TDO2: variants seen among roughly 807,000 people sequenced by gnomAD.
TDO2 encodes the protein tryptamin 2,3-dioxygenase.
Under a neutral mutation model 61.2 loss-of-function variants are expected in TDO2, and 63 were observed. That is an observed-to-expected ratio of 1.03 (90% CI 0.84 to 1.27). The LOEUF (loss-of-function observed/expected upper bound fraction) is 1.27, where lower values mean the gene tolerates loss of function less well. TDO2 is among the 50% of genes most tolerant of loss of function. TDO2 has a pLI of 0.00. For synonymous variants in TDO2, 183 were observed against 164.0 expected, an observed-to-expected ratio of 1.12 and a Z score of -0.89; for missense variants, 494 against 469.5, an observed-to-expected ratio of 1.05 and a Z score of -0.48.
At position 155,910,082 on chromosome 4, in the gene TDO2, C is replaced by CA. The variant is rs767123432; in HGVS notation, c.491dup (p.Ile165AspfsTer12). On this transcript the variant is annotated frameshift_variant, in exon 6 of 12. Transcript: ENST00000536354. LOFTEE classifies it high-confidence loss of function. The stretch of plus-strand genomic sequence containing the variant: ...GTTTGCAATTCCGACTATTAGAAAA[C>CA]AAGATAGGTGTTCTTCAGAACATGA... 29 of 1,593,050 alleles carry CA rather than the reference C, an allele frequency of 1.8e-5. No individual in the cohort carries two copies. Among genetic ancestry groups the CA allele is most frequent in the Non-Finnish European group, 2.3e-5 (27 of 1,173,172 alleles).
At chr4:155,905,613 G>A (rs1440347536) in intron 3 of TDO2, 2 of 151,852 alleles carry the variant, frequency 1.3e-5, no homozygotes, top group East Asian at 1.9e-4. Flanking sequence ...TTTCTGGGCA[G>A]TGGGTTTTTT....
chr4:155,914,293 A>C (rs771493485), intron 7 of TDO2, 30 bp from the exon 8 acceptor site: 1 of 1,519,922 alleles, frequency 6.6e-7, no homozygotes, highest in South Asian at 1.2e-5. Context: ...ATTCTCTCTC[A>C]GGACTATTAA....
At chr4:155,908,548 C>G (rs563226184) in intron 4 of TDO2, among the ~76,000 whole-genome samples, 1 of 152,288 alleles carries the variant, frequency 6.6e-6, no homozygotes, top group East Asian at 1.9e-4. Context: ...TTGTTTAACC[C>G]TCACTCAGAA....
chr4:155,906,136 T>C (rs1219187095), intron 3 of TDO2: 7 of 152,124 alleles, frequency 4.6e-5, no homozygotes, highest in Non-Finnish European at 2.9e-5. Context: ...CATTTCCCCA[T>C]ACGTAAAATG....
At position 155,915,887 on chromosome 4, in the gene TDO2, G is replaced by A; in HGVS notation, c.871G>A (p.Gly291Arg). 1 of 1,610,382 alleles carries A rather than the reference G, an allele frequency of 6.2e-7. No homozygotes were observed. The highest frequency in any genetic ancestry group is 2.2e-5 in the East Asian group (1 of 44,612). The change falls in exon 9 of 12, where the codon GGA (glycine) becomes AGA (arginine). Residue 291 changes from glycine to arginine, a missense_variant. By Grantham distance (125) the Gly-to-Arg change is moderately radical. Coordinates refer to ENST00000536354, the MANE Select transcript of TDO2 (RefSeq NM_005651.4). ...ERRLSYRALQ[G>R]ALMIYFYREE... ...ACGGCTGTCATACAGAGCACTTCAGGGAGCATTGATGATATATTTTTACAG... is the reference window on the plus strand; with the variant it reads ...ACGGCTGTCATACAGAGCACTTCAGAGAGCATTGATGATATATTTTTACAG...
At chr4:155,913,666 ATAAT>A (rs1318128419) in intron 7 of TDO2, among the ~76,000 whole-genome samples, 1 of 152,150 alleles carries the variant, frequency 6.6e-6, no homozygotes, top group Non-Finnish European at 1.5e-5. Context: ...GAATAAATAA[ATAAT>A]TAATTTGAAA....
intron 7 of TDO2, among the ~76,000 whole-genome samples, chr4:155,911,919 C>T (rs926425184): frequency 1.4e-4 from 22 of 152,140 alleles, no homozygotes; most frequent in Admixed American, 5.9e-4. Context: ...AGTGGACTAA[C>T]GAACCAAATC....
chr4:155,911,943 A>G (rs1742843062), intron 7 of TDO2, among the ~76,000 whole-genome samples: 1 of 152,168 alleles, frequency 6.6e-6, no homozygotes, highest in Non-Finnish European at 1.5e-5. Flanking sequence ...TTAGCCCTGT[A>G]GCTTTGCTTT....
rs1221310305 is a variant in TDO2 at position 155,910,024 on chromosome 4, G to A, written c.432-1G>A. 2.6e-6 allele frequency: 4 copies of A among 1,527,100 alleles called. No homozygotes were observed. The African/African-American group carries it at 5.9e-5, about 23-fold the overall frequency. 94.6% of individuals were successfully genotyped at this position (1,527,100 alleles called of 1,614,324 possible). On this transcript the variant is annotated splice_acceptor_variant, in intron 5 of 11. Coordinates refer to ENST00000536354, the MANE Select transcript of TDO2 (RefSeq NM_005651.4). LOFTEE classifies it high-confidence loss of function. ...TTTCCTTCCACCATTTAATCTCAAA[G>A]AGAGTACTTATCTCCAGCATCAGGC... is the stretch of plus-strand genomic sequence containing the variant.
Position 155,919,833 on chromosome 4 carries a change from C to G in TDO2, c.1068-4C>G. On this transcript the variant is annotated splice_polypyrimidine_tract_variant and splice_region_variant and intron_variant, in intron 11 of 11. Transcript: ENST00000536354. Reference sequence around the variant, plus strand: ...GTAACACATCTTCATGTATGTTTTTCCAGTGATAGGTACAAGGTATTTGTA... The same window carrying G: ...GTAACACATCTTCATGTATGTTTTTGCAGTGATAGGTACAAGGTATTTGTA... 3 of 1,589,910 alleles carry G rather than the reference C, an allele frequency of 1.9e-6. No homozygotes were observed.
chr4:155,919,914 A>G lies in TDO2; in HGVS notation c.1145A>G (p.Asn382Ser). Residue 382 changes from asparagine to serine, a missense_variant, in exon 12 of 12, where the codon AAC (asparagine) becomes AGC (serine). Physicochemically the swap from Asn to Ser is conservative, Grantham distance 46 (BLOSUM62 1). Transcript: ENST00000536354. The part of the protein sequence containing the change: ...LIPRHWIPKM[N>S]PTIHKFLYTA... ...CCCCGACACTGGATACCGAAGATGAACCCAACCATTCACAAATTTCTATAT... is the reference window on the plus strand; with the variant it reads ...CCCCGACACTGGATACCGAAGATGAGCCCAACCATTCACAAATTTCTATAT... 6.2e-7 allele frequency: 1 copy of G among 1,613,698 alleles called. No individual in the cohort carries two copies. Among genetic ancestry groups the G allele is most frequent in the African/African-American group, 1.3e-5 (1 of 75,030 alleles).
intron 11 of TDO2, among the ~76,000 whole-genome samples, 163 bp from the exon 12 acceptor site, chr4:155,919,674 A>G (rs1743007895): frequency 6.6e-6 from 1 of 152,162 alleles, no homozygotes; most frequent in East Asian, 1.9e-4. Context: ...CAATACTAAT[A>G]CTACATAATA....
At chr4:155,917,863 A>T (rs1742971481) in intron 10 of TDO2, among the ~76,000 whole-genome samples, 1 of 152,092 alleles carries the variant, frequency 6.6e-6, no homozygotes, top group African/African-American at 2.4e-5. Flanking sequence ...ATAAAGGCAA[A>T]GGTGGCATGG....
intron 1 of TDO2, 70 bp downstream of exon 1, chr4:155,903,863 T>C (rs1742670068): frequency 6.3e-7 from 1 of 1,584,720 alleles, no homozygotes; most frequent in Non-Finnish European, 8.7e-7. Flanking sequence ...TTTTAATTTC[T>C]GAATTTAAGG....
intron 3 of TDO2, chr4:155,906,068 C>T (rs1742713319): frequency 6.6e-6 from 1 of 152,100 alleles, no homozygotes; most frequent in African/African-American, 2.4e-5. Flanking sequence ...TTTAGTATCT[C>T]AGTTCTACTG....
At chr4:155,919,729 ATAT>A (rs1743009152) in intron 11 of TDO2, 105 bp from the exon 12 acceptor site, 2 of 895,014 alleles carry the variant, frequency 2.2e-6, no homozygotes, top group East Asian at 5.4e-5. Flanking sequence ...ATATATTATA[ATAT>A]TGAATACTAA....
intron 2 of TDO2, 21 bp downstream of exon 2, chr4:155,904,144 A>G: frequency 1.3e-6 from 2 of 1,578,992 alleles, no homozygotes; most frequent in Non-Finnish European, 1.7e-6. Context: ...GGGTCCTTAC[A>G]GGGTTTGGTG....
chr4:155,903,806 C>T lies in TDO2; in HGVS notation c.35+13C>T. 1 of 1,614,038 alleles carries T rather than the reference C, an allele frequency of 6.2e-7. No individual in the cohort carries two copies. Among genetic ancestry groups the T allele is most frequent in the East Asian group, 2.2e-5 (1 of 44,878 alleles). ...GAAACAACTTTGGGTGAGTATTTAC[C>T]TTTATTCTAAGTGGGTTTTGGCTTT... On this transcript the variant is annotated intron_variant, in intron 1 of 11. Transcript: ENST00000536354.
At chr4:155,914,075 A>T (rs539447785) in intron 7 of TDO2, among the ~76,000 whole-genome samples, 3 of 152,226 alleles carry the variant, frequency 2.0e-5, no homozygotes, top group Non-Finnish European at 4.4e-5. Flanking sequence ...ATTGCTCATT[A>T]TATTTATGAA....
Sources: allele counts gnomAD v4.1 joint callset (sites outside exome capture counted in the v4.1 genomes callset), GRCh38; gene constraint gnomAD v4.1.1; transcripts MANE v1.5; gene names NCBI Gene and HGNC (gene_info 2026-07-23, HGNC 2026-07-21).